Variants in WWOX observed in about 807,000 individuals in gnomAD.
WWOX encodes the protein WW domain containing oxidoreductase, also known as WW domain-containing oxidoreductase.
A neutral mutation model predicts 46.2 loss-of-function variants in WWOX; 69 were observed. The observed-to-expected ratio is 1.49, with a 90% CI of 1.23 to 1.82. The LOEUF is 1.82. Among genes scored for constraint, WWOX ranks in the 40% most tolerant of loss-of-function variants. The probability of loss-of-function intolerance (pLI) is 0.00; values close to 1 mark genes in which losing one functional copy is unlikely to be tolerated. For synonymous variants in WWOX, 359 were observed against 202.6 expected (o/e 1.77, Z -6.56); for missense variants, 919 against 542.6 (o/e 1.69, Z -6.89).
chr16:79,078,799 A>C (rs1394054118), intron 8 of WWOX, among the ~76,000 whole-genome samples: 1 of 152,196 alleles, frequency 6.6e-6, no homozygotes, highest in African/African-American at 2.4e-5. Context: ...TTATTTCTCC[A>C]AGTGGTGATA....
At chr16:78,171,112 C>G (rs2035143352) in intron 5 of WWOX, among the ~76,000 whole-genome samples, 1 of 152,150 alleles carries the variant, frequency 6.6e-6, no homozygotes. Context: ...CAGTACCAAC[C>G]ATTATATTAG....
chr16:79,062,250 A>G (rs2048369610), intron 8 of WWOX, among the ~76,000 whole-genome samples: 1 of 152,182 alleles, frequency 6.6e-6, no homozygotes, highest in Admixed American at 6.5e-5. Context: ...AATGGGACAT[A>G]TCATTTTCTT....
At chr16:78,384,632 GA>G (rs1194224656) in intron 5 of WWOX, among the ~76,000 whole-genome samples, 1 of 152,056 alleles carries the variant, frequency 6.6e-6, no homozygotes, top group East Asian at 1.9e-4. Flanking sequence ...CTGAACGTAG[GA>G]AACTAACAAC....
At chr16:78,997,153 G>T (rs934294413) in intron 8 of WWOX, among the ~76,000 whole-genome samples, 4 of 151,766 alleles carry the variant, frequency 2.6e-5, no homozygotes, top group Non-Finnish European at 2.9e-5. Flanking sequence ...TGCCTGGTGA[G>T]GGGGGTGCTA....
At chr16:78,919,241 G>A (rs1193640812) in intron 8 of WWOX, among the ~76,000 whole-genome samples, 4 of 151,858 alleles carry the variant, frequency 2.6e-5, no homozygotes, top group African/African-American at 9.7e-5. Context: ...AGTTCTTTCT[G>A]GCAGAGACAC....
intron 5 of WWOX, among the ~76,000 whole-genome samples, chr16:78,355,007 C>A (rs1011043153): frequency 6.6e-6 from 1 of 152,082 alleles, no homozygotes; most frequent in African/African-American, 2.4e-5. Context: ...TGGTGCATGT[C>A]TGTAGTCACA....
intron 5 of WWOX, among the ~76,000 whole-genome samples, chr16:78,365,900 G>A (rs1302844857): frequency 1.3e-5 from 2 of 152,092 alleles, no homozygotes; most frequent in East Asian, 3.9e-4. Flanking sequence ...TGTTATTGTT[G>A]TTTTGGTTTG....
intron 8 of WWOX, among the ~76,000 whole-genome samples, chr16:78,919,385 C>T (rs771062297): frequency 6.6e-6 from 1 of 151,988 alleles, no homozygotes; most frequent in East Asian, 1.9e-4. Context: ...CTAGAATTGT[C>T]TTTGTGTATT....
At chr16:78,481,635 G>GAA (rs373734150) in intron 8 of WWOX, among the ~76,000 whole-genome samples, 51 of 123,240 alleles carry the variant, frequency 4.1e-4, no homozygotes, top group Middle Eastern at 3.9e-3. Flanking sequence ...ATGGAATTGT[G>GAA]AAAAAAAAAA....
At chr16:78,460,483 C>G (rs1056383956) in intron 8 of WWOX, among the ~76,000 whole-genome samples, 18 of 152,178 alleles carry the variant, frequency 1.2e-4, no homozygotes, top group African/African-American at 4.3e-4. Flanking sequence ...CCTTTCCTCC[C>G]TGAATACTCA....
At chr16:78,812,401 A>G (rs966973420) in intron 8 of WWOX, among the ~76,000 whole-genome samples, 6 of 152,008 alleles carry the variant, frequency 3.9e-5, no homozygotes, top group African/African-American at 1.4e-4. Flanking sequence ...ACTTCTTGAA[A>G]ATATTTGTTA....
At chr16:78,735,557 T>G (rs2142398642) in intron 8 of WWOX, among the ~76,000 whole-genome samples, 1 of 152,326 alleles carries the variant, frequency 6.6e-6, no homozygotes, top group Middle Eastern at 3.4e-3. Context: ...GCCATACAGA[T>G]GCTCAGAGCA....
intron 8 of WWOX, among the ~76,000 whole-genome samples, chr16:79,053,734 G>T (rs984528323): frequency 8.3e-4 from 126 of 152,298 alleles, no homozygotes; most frequent in African/African-American, 2.9e-3. Flanking sequence ...AGAGGATGCA[G>T]GCTTGGGAAG....
chr16:78,578,135 T>C (rs1028606534), intron 8 of WWOX, among the ~76,000 whole-genome samples: 2 of 151,190 alleles, frequency 1.3e-5, no homozygotes, highest in Non-Finnish European at 2.9e-5. Context: ...TATGCACTAA[T>C]TAAGCTGTTG....
chr16:78,114,958 G>A lies in WWOX; in HGVS notation c.231-18G>A. 1.2e-6 allele frequency: 2 copies of A among 1,614,100 alleles called. No individual in the cohort carries two copies. Among genetic ancestry groups the A allele is most frequent in the Non-Finnish European group, 1.7e-6 (2 of 1,179,988 alleles). ...CTGTGTTCATTGCTGTGGGTTCACTGCTTTCTCTTTTGGGCAGCCATATAA... is the reference window on the plus strand; with the variant it reads ...CTGTGTTCATTGCTGTGGGTTCACTACTTTCTCTTTTGGGCAGCCATATAA... On this transcript the variant is annotated intron_variant, in intron 3 of 8. Transcript: ENST00000566780.
At chr16:78,959,575 T>C (rs1245018120) in intron 8 of WWOX, among the ~76,000 whole-genome samples, 1 of 152,148 alleles carries the variant, frequency 6.6e-6, no homozygotes, top group Non-Finnish European at 1.5e-5. Context: ...ATCCATCTAC[T>C]TCTAGGTTGT....
intron 8 of WWOX, among the ~76,000 whole-genome samples, chr16:78,455,104 C>T (rs757836058): frequency 6.6e-6 from 1 of 152,136 alleles, no homozygotes. Flanking sequence ...ATGAGCAGCA[C>T]TGGGATGTGT....
In WWOX at chr16:78,536,665, G is replaced by T. The variant is rs543001548; in HGVS notation, c.1056+103913G>T. On this transcript the variant is annotated intron_variant, in intron 8 of 8. Transcript: ENST00000566780. ...CAAAGAAAGCTGAGCATGGGATTGT[G>T]CCGGTTTAGCCAGCTAAAGTGTGGT... 4.6e-5 allele frequency among the ~76,000 whole-genome samples: 7 copies of T among 152,212 alleles called. No individual in the cohort carries two copies. In the South Asian group the frequency reaches 1.5e-3, roughly 32 times the overall value.
chr16:78,904,088 C>T (rs1347586246), intron 8 of WWOX, among the ~76,000 whole-genome samples: 1 of 152,112 alleles, frequency 6.6e-6, no homozygotes, highest in Non-Finnish European at 1.5e-5. Context: ...GGATCAGGGT[C>T]CACCTTTCTG....
Sources: gnomAD v4.1 joint callset for allele counts (sites outside exome capture counted in the v4.1 genomes callset) on GRCh38, gnomAD v4.1.1 for gene constraint, MANE v1.5 for transcripts, NCBI Gene and HGNC (gene_info 2026-07-23, HGNC 2026-07-21) for gene names.